PTGIS: variants seen among roughly 807,000 people sequenced by gnomAD.
The protein encoded by PTGIS is prostacyclin synthase.
PTGIS carries 45 observed loss-of-function variants against 50.3 expected under a neutral mutation model. The observed-to-expected ratio is 0.90, with a 90% confidence interval of 0.70 to 1.15. The LOEUF (loss-of-function observed/expected upper bound fraction) is 1.15. Ranked by LOEUF, PTGIS falls within the 50% of genes most tolerant of loss-of-function variation. The pLI is 0.00. For synonymous variants in PTGIS, 260 were observed against 267.7 expected (o/e 0.97, Z 0.28); for missense variants, 668 against 661.3 (o/e 1.01, Z -0.11).
At chr20:49,528,391 C>A (rs1211701392) in intron 5 of PTGIS, among the ~76,000 whole-genome samples, 1 of 152,126 alleles carries the variant, frequency 6.6e-6, no homozygotes, top group Non-Finnish European at 1.5e-5. Flanking sequence ...ACGGGCAGAT[C>A]ACCTGAGGTC....
At position 49,565,449 on chromosome 20, in the gene PTGIS, G is replaced by A. The variant is rs957945292; in HGVS notation, c.74+2594C>T. The stretch of plus-strand genomic sequence containing the variant: ...TTTGGGAGGCTGCGGTGGGAGGATC[G>A]CTTGAGCTGAGTTTGAGACCATCCT... On this transcript the variant is annotated intron_variant, in intron 1 of 9. Transcript: ENST00000244043. Among the ~76,000 whole-genome samples, 4 of 152,038 alleles carry A rather than the reference G, an allele frequency of 2.6e-5. No homozygotes were observed. In the South Asian group the frequency reaches 8.3e-4, roughly 32 times the overall value.
In PTGIS at chr20:49,550,012, A is replaced by T. The variant is rs745525926; in HGVS notation, c.198+54T>A. 5 of 1,613,644 alleles carry T rather than the reference A, an allele frequency of 3.1e-6. No homozygotes were observed. The African/African-American group carries it at 4.0e-5, about 13-fold the overall frequency. ...TGTTGAAGGAATCAACAGAAACCAG[A>T]TATGAGGCCCAGCTGCTCATCCCCA... On this transcript the variant is annotated intron_variant, in intron 2 of 9. Transcript: ENST00000244043.
intron 6 of PTGIS, among the ~76,000 whole-genome samples, chr20:49,518,297 T>C (rs1036444330): frequency 6.6e-6 from 1 of 152,168 alleles, no homozygotes; most frequent in South Asian, 2.1e-4. Flanking sequence ...AGGCGAGGCA[T>C]TGGGAGAAGG....
intron 8 of PTGIS, 114 bp from the exon 9 acceptor site, chr20:49,511,293 C>CGGCT: frequency 8.0e-7 from 1 of 1,246,162 alleles, no homozygotes. Context: ...AAACTGGAAA[C>CGGCT]CATATACAGG....
At chr20:49,561,095 C>G (rs1982762976) in intron 1 of PTGIS, among the ~76,000 whole-genome samples, 1 of 152,124 alleles carries the variant, frequency 6.6e-6, no homozygotes, top group Non-Finnish European at 1.5e-5. Flanking sequence ...AGCACAGGGC[C>G]TTTTGTTCCA....
intron 9 of PTGIS, among the ~76,000 whole-genome samples, chr20:49,509,265 A>C (rs1425817079): frequency 6.6e-6 from 1 of 152,098 alleles, no homozygotes; most frequent in Non-Finnish European, 1.5e-5. Flanking sequence ...GAACTCCTGC[A>C]CCTCCACTTC....
At chr20:49,510,975 T>TGCCAACCAGGGGATCAGGA in intron 9 of PTGIS, 53 bp downstream of exon 9, 1 of 1,582,980 alleles carries the variant, frequency 6.3e-7, no homozygotes, top group Non-Finnish European at 8.7e-7. Context: ...GAAGGGCGCC[T>TGCCAACCAGGGGATCAGGA]GCCAACCAGG....
chr20:49,564,312 C>T (rs895353794), intron 1 of PTGIS, among the ~76,000 whole-genome samples: 11 of 151,806 alleles, frequency 7.2e-5, no homozygotes, highest in African/African-American at 2.4e-4. Context: ...AGTGCAATGG[C>T]GCAAGCTCCG....
At chr20:49,561,852 C>G (rs1982785747) in intron 1 of PTGIS, among the ~76,000 whole-genome samples, 1 of 152,184 alleles carries the variant, frequency 6.6e-6, no homozygotes, top group Non-Finnish European at 1.5e-5. Context: ...GATTCCTGGG[C>G]ACCATTTACC....
intron 4 of PTGIS, among the ~76,000 whole-genome samples, chr20:49,541,827 G>T (rs1173666609): frequency 6.6e-6 from 1 of 152,192 alleles, no homozygotes; most frequent in Non-Finnish European, 1.5e-5. Flanking sequence ...AGCGAAGCCG[G>T]CAGCTCCATA....
intron 1 of PTGIS, 148 bp downstream of exon 1, chr20:49,567,895 G>A (rs2122917239): frequency 1.5e-6 from 1 of 674,702 alleles, no homozygotes; most frequent in African/African-American, 1.9e-5. Flanking sequence ...GGGGCCCCGG[G>A]ACTCCCACCT....
chr20:49,516,216 CAA>C (rs1262519571), intron 6 of PTGIS, among the ~76,000 whole-genome samples: 3 of 152,108 alleles, frequency 2.0e-5, no homozygotes, highest in Non-Finnish European at 4.4e-5. Flanking sequence ...GCTGGGAAGA[CAA>C]GAGGATAAGG....
At chr20:49,525,956 G>A (rs1369306300) in intron 5 of PTGIS, among the ~76,000 whole-genome samples, 1 of 152,096 alleles carries the variant, frequency 6.6e-6, no homozygotes, top group African/African-American at 2.4e-5. Flanking sequence ...CGCTGAATAT[G>A]TTTAACTTTT....
chr20:49,533,115 C>T (rs1981976890), intron 5 of PTGIS, among the ~76,000 whole-genome samples: 1 of 152,106 alleles, frequency 6.6e-6, no homozygotes, highest in Non-Finnish European at 1.5e-5. Context: ...ACCTCAGTCT[C>T]CTCATCCAAA....
chr20:49,535,477 A>G (rs1463276813), intron 5 of PTGIS, among the ~76,000 whole-genome samples: 2 of 152,234 alleles, frequency 1.3e-5, no homozygotes, highest in Non-Finnish European at 2.9e-5. Flanking sequence ...AACTACTGAA[A>G]CAGCCATGTG....
At chr20:49,522,725 G>A (rs1481520679) in intron 6 of PTGIS, among the ~76,000 whole-genome samples, 1 of 152,150 alleles carries the variant, frequency 6.6e-6, no homozygotes, top group East Asian at 1.9e-4. Flanking sequence ...CAGAAACCGT[G>A]CCAGATTAAA....
intron 6 of PTGIS, among the ~76,000 whole-genome samples, chr20:49,522,228 T>C (rs963999920): frequency 5.3e-5 from 8 of 152,094 alleles, no homozygotes; most frequent in Non-Finnish European, 7.4e-5. Flanking sequence ...TTATTTGGAA[T>C]CTTCTATCCC....
intron 6 of PTGIS, among the ~76,000 whole-genome samples, chr20:49,517,384 G>A (rs982577306): frequency 2.6e-5 from 4 of 152,164 alleles, no homozygotes; most frequent in Non-Finnish European, 4.4e-5. Context: ...CTGCCTGCAG[G>A]AAAAAGCTGT....
intron 1 of PTGIS, among the ~76,000 whole-genome samples, chr20:49,566,385 A>T (rs1365473560): frequency 6.6e-6 from 1 of 152,264 alleles, no homozygotes; most frequent in Non-Finnish European, 1.5e-5. Flanking sequence ...GAGTGAAAAG[A>T]GCAAGCAACA....
Sources: gnomAD v4.1 joint callset for allele counts (sites outside exome capture counted in the v4.1 genomes callset) on GRCh38, gnomAD v4.1.1 for gene constraint, MANE v1.5 for transcripts, NCBI Gene and HGNC (gene_info 2026-07-23, HGNC 2026-07-21) for gene names.